The following BCAT1 variants were observed in gnomAD, a reference collection of about 807,000 sequenced individuals.
The protein encoded by BCAT1 is branched-chain-amino-acid aminotransferase, cytosolic.
Under a neutral mutation model 52.4 loss-of-function variants are expected in BCAT1, and 48 were observed. The ratio of observed to expected loss-of-function variants is 0.92; its 90% CI spans 0.73 to 1.16. The LOEUF is 1.16. BCAT1 is among the 50% of genes most tolerant of loss of function. The pLI is 0.00. For synonymous variants in BCAT1, 167 were observed against 161.3 expected, an observed-to-expected ratio of 1.04 and a Z score of -0.27; for missense variants, 451 against 457.1, an observed-to-expected ratio of 0.99 and a Z score of 0.12.
At chr12:24,866,624 C>A (rs897259907) in intron 5 of BCAT1, among the ~76,000 whole-genome samples, 1 of 152,206 alleles carries the variant, frequency 6.6e-6, no homozygotes, top group African/African-American at 2.4e-5. Flanking sequence ...ATACACCAAT[C>A]GGCGCTCTGT....
At chr12:24,824,892 T>C (rs1429294529) in intron 10 of BCAT1, among the ~76,000 whole-genome samples, 1 of 152,176 alleles carries the variant, frequency 6.6e-6, no homozygotes, top group African/African-American at 2.4e-5. Flanking sequence ...CTTGTTTTTT[T>C]CCTTTATCCT....
chr12:24,824,169 A>G (rs777016209), intron 10 of BCAT1, among the ~76,000 whole-genome samples: 4 of 152,044 alleles, frequency 2.6e-5, no homozygotes, highest in African/African-American at 7.3e-5. Context: ...AATTTTTCTC[A>G]GCCTAGTGAC....
intron 5 of BCAT1, among the ~76,000 whole-genome samples, chr12:24,874,829 T>A (rs752453422): frequency 6.6e-6 from 1 of 152,188 alleles, no homozygotes; most frequent in African/African-American, 2.4e-5. Flanking sequence ...TACCAGGGAA[T>A]AGAGACTGGA....
intron 1 of BCAT1, 131 bp downstream of exon 1, chr12:24,948,796 G>A: frequency 9.9e-7 from 1 of 1,005,050 alleles, no homozygotes; most frequent in Non-Finnish European, 1.5e-6. Context: ...ATACTGAGAC[G>A]TTTGCGGGGG....
chr12:24,844,753 C>T (rs1231556893), intron 6 of BCAT1, among the ~76,000 whole-genome samples: 1 of 151,116 alleles, frequency 6.6e-6, no homozygotes, highest in Non-Finnish European at 1.5e-5. Flanking sequence ...AAAAATTATC[C>T]GGGCGTGGTG....
intron 3 of BCAT1, among the ~76,000 whole-genome samples, chr12:24,887,080 A>AAAAAAAT (rs1245203518): frequency 1.7e-3 from 68 of 40,700 alleles, no homozygotes; most frequent in Non-Finnish European, 2.8e-3. Context: ...AAAAAAAAAA[A>AAAAAAAT]ATATATATAT....
chr12:24,916,493 G>T (rs1280511291), intron 1 of BCAT1, among the ~76,000 whole-genome samples: 1 of 147,980 alleles, frequency 6.8e-6, no homozygotes, highest in Non-Finnish European at 1.5e-5. Context: ...CATGTGTCCA[G>T]TTACAAAAGA....
At chr12:24,830,672 G>A (rs1013418276) in intron 9 of BCAT1, 2 of 151,988 alleles carry the variant, frequency 1.3e-5, no homozygotes, top group Non-Finnish European at 2.9e-5. Context: ...TTAAAATTAT[G>A]CTAAACTTTA....
intron 1 of BCAT1, among the ~76,000 whole-genome samples, chr12:24,938,022 G>A (rs1943790456): frequency 6.6e-6 from 1 of 152,138 alleles, no homozygotes; most frequent in African/African-American, 2.4e-5. Context: ...AAGGGGAATG[G>A]GCCATCCACA....
intron 1 of BCAT1, among the ~76,000 whole-genome samples, chr12:24,939,222 G>A (rs1943814284): frequency 6.6e-6 from 1 of 152,324 alleles, no homozygotes; most frequent in Non-Finnish European, 1.5e-5. Flanking sequence ...TTTCTCAAGA[G>A]TGAGAATAAT....
At chr12:24,875,925 G>A (rs1205593561) in intron 5 of BCAT1, among the ~76,000 whole-genome samples, 1 of 152,068 alleles carries the variant, frequency 6.6e-6, no homozygotes, top group Admixed American at 6.6e-5. Flanking sequence ...TATCCTTAAG[G>A]TGAAAATGCA....
At position 24,849,775 on chromosome 12, in the gene BCAT1, G is replaced by C. The variant is rs367725119; in HGVS notation, c.674+11C>G. The stretch of plus-strand genomic sequence containing the variant: ...TGTCTTTCCTTTAGACAGAGACACA[G>C]ATTTACTTACCCTCCCATCTTGCAG... On this transcript the variant is annotated intron_variant, in intron 6 of 10. Coordinates refer to ENST00000261192, the MANE Select transcript of BCAT1 (RefSeq NM_005504.7). The C allele has an allele frequency of 6.2e-7, 1 of 1,602,130 alleles. No individual in the cohort carries two copies. The highest frequency in any genetic ancestry group is 1.3e-5 in the African/African-American group (1 of 74,674).
At chr12:24,831,275 G>A (rs891669158) in intron 9 of BCAT1, among the ~76,000 whole-genome samples, 3 of 152,112 alleles carry the variant, frequency 2.0e-5, no homozygotes, top group African/African-American at 7.2e-5. Flanking sequence ...TACAAAATAT[G>A]TGCCAATCGA....
intron 1 of BCAT1, chr12:24,902,187 C>CA (rs1423181264): frequency 2.1e-6 from 3 of 1,432,256 alleles, no homozygotes; most frequent in East Asian, 2.5e-5. Context: ...CGGCAAAGAA[C>CA]AAAAAAACAA....
intron 1 of BCAT1, among the ~76,000 whole-genome samples, chr12:24,940,472 C>A (rs1943831765): frequency 6.6e-6 from 1 of 152,154 alleles, no homozygotes. Context: ...TGACATCCTA[C>A]ATCTATATAT....
At chr12:24,884,530 A>G (rs1405896754) in intron 3 of BCAT1, among the ~76,000 whole-genome samples, 1 of 152,258 alleles carries the variant, frequency 6.6e-6, no homozygotes, top group Non-Finnish European at 1.5e-5. Flanking sequence ...TTCAGTGATG[A>G]GTATGCTAAT....
chr12:24,824,267 A>C (rs73077552), intron 10 of BCAT1, among the ~76,000 whole-genome samples: 124,908 of 145,178 alleles, frequency 0.86, 53,395 homozygotes, highest in Admixed American at 0.89. Flanking sequence ...TCCTTCCTTC[A>C]TTCCCTCCCT....
chr12:24,865,274 C>CAAAA (rs1205268180), intron 5 of BCAT1, among the ~76,000 whole-genome samples: 2 of 152,016 alleles, frequency 1.3e-5, no homozygotes, highest in African/African-American at 4.8e-5. Flanking sequence ...AACAAACAAA[C>CAAAA]AAAAAAAGAC....
intron 3 of BCAT1, among the ~76,000 whole-genome samples, chr12:24,884,322 G>C (rs543813205): frequency 5.9e-5 from 9 of 152,280 alleles, no homozygotes; most frequent in African/African-American, 2.2e-4. Flanking sequence ...AGAGTAGAAT[G>C]GTGGTTACCA....
Sources: gnomAD v4.1 joint callset for allele counts (sites outside exome capture counted in the v4.1 genomes callset) on GRCh38, gnomAD v4.1.1 for gene constraint, MANE v1.5 for transcripts, NCBI Gene and HGNC (gene_info 2026-07-23, HGNC 2026-07-21) for gene names.